Variants in SNX29 observed in about 807,000 individuals in gnomAD.
The protein encoded by SNX29 is sorting nexin-29.
Under a neutral mutation model 102.1 loss-of-function variants are expected in SNX29, and 78 were observed. That is an observed-to-expected ratio of 0.76 (90% CI 0.64 to 0.92). The LOEUF (loss-of-function observed/expected upper bound fraction) is 0.92. Among genes scored for constraint, SNX29 ranks in the 40% least tolerant of loss-of-function variants. The pLI is 0.00. For missense variants in SNX29, 1,280 were observed against 1,061.7 expected, an observed-to-expected ratio of 1.21 and a Z score of -2.86; for synonymous variants, 580 against 414.5, an observed-to-expected ratio of 1.40 and a Z score of -4.85.
chr16:12,170,781 G>GTA (rs2076131471), intron 13 of SNX29, among the ~76,000 whole-genome samples: 1 of 151,040 alleles, frequency 6.6e-6, no homozygotes, highest in African/African-American at 2.4e-5. Flanking sequence ...GAGTGTGTGT[G>GTA]TGAGAGTGAG....
At chr16:12,346,887 A>C (rs535598699) in intron 15 of SNX29, among the ~76,000 whole-genome samples, 1 of 152,024 alleles carries the variant, frequency 6.6e-6, no homozygotes, top group African/African-American at 2.4e-5. Context: ...TTGCCTGTGT[A>C]TATTCTGAAA....
At chr16:12,210,859 T>A (rs999516767) in intron 14 of SNX29, among the ~76,000 whole-genome samples, 1 of 152,152 alleles carries the variant, frequency 6.6e-6, no homozygotes, top group Non-Finnish European at 1.5e-5. Context: ...AAGTGGCCTT[T>A]ACCTTTTCAG....
In SNX29 at chr16:12,573,992, C is replaced by A. The variant is rs899426686; in HGVS notation, c.*5363C>A. Reference sequence around the variant, plus strand: ...ACTAGGGGGCGCCCATGATCGGCTCCCAGTGCACCCCCTTAAGGGTAAGCA... The same window carrying A: ...ACTAGGGGGCGCCCATGATCGGCTCACAGTGCACCCCCTTAAGGGTAAGCA... On this transcript the variant is annotated 3_prime_UTR_variant, in exon 21 of 21. Coordinates refer to ENST00000566228, the MANE Select transcript of SNX29 (RefSeq NM_032167.5). 1 of 198,346 alleles carries A rather than the reference C, an allele frequency of 5.0e-6. No homozygotes were observed. Among genetic ancestry groups the A allele is most frequent in the Non-Finnish European group, 1.0e-5 (1 of 95,872 alleles). The allele number at this position is 198,346 out of a possible 1,614,324, so 12.3% of individuals were successfully genotyped here.
intron 20 of SNX29, among the ~76,000 whole-genome samples, chr16:12,564,428 C>G (rs1204083202): frequency 6.6e-6 from 1 of 152,176 alleles, no homozygotes; most frequent in Non-Finnish European, 1.5e-5. Flanking sequence ...CACTATTATC[C>G]TCATTTCACA....
chr16:12,151,555 C>G (rs1034379799), intron 13 of SNX29, among the ~76,000 whole-genome samples: 43 of 152,170 alleles, frequency 2.8e-4, no homozygotes, highest in African/African-American at 1.0e-3. Flanking sequence ...TAAGCATCTT[C>G]ACTGTTTGTT....
intron 15 of SNX29, among the ~76,000 whole-genome samples, chr16:12,336,141 C>T (rs1029651598): frequency 2.2e-4 from 34 of 152,308 alleles, no homozygotes; most frequent in African/African-American, 7.9e-4. Context: ...GCCATCACCA[C>T]AGACCCAGAG....
intron 8 of SNX29, among the ~76,000 whole-genome samples, chr16:12,058,053 C>G (rs2050592237): frequency 6.6e-6 from 1 of 152,044 alleles, no homozygotes; most frequent in Non-Finnish European, 1.5e-5. Flanking sequence ...CTCCTGACCT[C>G]AGGTGATCTG....
intron 14 of SNX29, among the ~76,000 whole-genome samples, chr16:12,222,359 G>A (rs2077500148): frequency 6.6e-6 from 1 of 152,196 alleles, no homozygotes; most frequent in South Asian, 2.1e-4. Context: ...CATCCTCTAA[G>A]CCTCTCCTTT....
intron 20 of SNX29, chr16:12,545,690 T>C (rs2077564848): frequency 6.6e-6 from 1 of 151,898 alleles, no homozygotes; most frequent in Non-Finnish European, 1.5e-5. Flanking sequence ...TTAAGGGGAG[T>C]GGCTGGTGCA....
rs997074595 is a variant in SNX29 at position 12,371,642 on chromosome 16, C to T, written c.1899+15363C>T. Among the ~76,000 whole-genome samples, 14 of 152,180 alleles carry T rather than the reference C, an allele frequency of 9.2e-5. 1 individual carries two copies. Among genetic ancestry groups the T allele is most frequent in the South Asian group, 2.1e-4 (1 of 4,828 alleles). On this transcript the variant is annotated intron_variant, in intron 16 of 20. Coordinates refer to ENST00000566228, the MANE Select transcript of SNX29 (RefSeq NM_032167.5). ...CTGTTCGGGGAGAGTGGCTTCCTTT[C>T]GTTTCTCCTGTCCAGGGTGTCATTG...
intron 14 of SNX29, among the ~76,000 whole-genome samples, chr16:12,265,792 A>T (rs887754700): frequency 6.7e-6 from 1 of 149,254 alleles, no homozygotes; most frequent in East Asian, 2.0e-4. Context: ...TGGGAGGCCG[A>T]GGTGGAGGAT....
intron 11 of SNX29, among the ~76,000 whole-genome samples, chr16:12,086,179 A>T (rs2052171311): frequency 6.6e-6 from 1 of 150,644 alleles, no homozygotes; most frequent in South Asian, 2.1e-4. Context: ...AATTTTTTGT[A>T]ATTTTTAGTA....
intron 10 of SNX29, among the ~76,000 whole-genome samples, chr16:12,078,364 A>G (rs1596794776): frequency 6.6e-6 from 1 of 152,078 alleles, no homozygotes; most frequent in Non-Finnish European, 1.5e-5. Context: ...AATCCCAGCT[A>G]CTTGGGAGGC....
rs927581507 is a variant in SNX29 at position 12,469,634 on chromosome 16, C to T, written c.2038-8085C>T. ...TTAGGGGCAGCATTCACTGAAGGCCCGGTGCTAGTTCCGCTGCTCACTCCT... is the reference window on the plus strand; with the variant it reads ...TTAGGGGCAGCATTCACTGAAGGCCTGGTGCTAGTTCCGCTGCTCACTCCT... On this transcript the variant is annotated intron_variant, in intron 18 of 20. Transcript: ENST00000566228. 3.9e-5 allele frequency among the ~76,000 whole-genome samples: 6 copies of T among 152,272 alleles called. No homozygotes were observed. In the South Asian group the frequency reaches 6.2e-4, roughly 16 times the overall value.
At chr16:12,089,812 G>T (rs1373865186) in intron 11 of SNX29, 1 of 381,546 alleles carries the variant, frequency 2.6e-6, no homozygotes, top group Non-Finnish European at 5.1e-6. Flanking sequence ...TTGCCACGCA[G>T]AGCACACTCA....
Position 12,357,261 on chromosome 16 carries a change from C to T in SNX29, c.1899+982C>T, listed in dbSNP as rs557793786. Among the ~76,000 whole-genome samples the T allele has an allele frequency of 7.2e-5, 11 of 152,254 alleles. No homozygotes were observed. The East Asian group carries it at 2.1e-3, about 29-fold the overall frequency. On this transcript the variant is annotated intron_variant, in intron 16 of 20. Transcript: ENST00000566228. ...TTGTGTTTCAGGTTATCTACATCTG[C>T]TTCCTCCTCCTATATCATTTCAATC...
chr16:12,035,896 G>T (rs146618508), intron 4 of SNX29, among the ~76,000 whole-genome samples: 87 of 152,186 alleles, frequency 5.7e-4, no homozygotes, highest in Middle Eastern at 3.4e-3. Flanking sequence ...GCTTCATCCC[G>T]TTCCCTTTCT....
intron 13 of SNX29, among the ~76,000 whole-genome samples, chr16:12,196,082 C>T (rs988422405): frequency 1.3e-5 from 2 of 149,634 alleles, no homozygotes; most frequent in East Asian, 4.0e-4. Flanking sequence ...CTCAAACGAT[C>T]CTCCCACCTC....
At chr16:12,200,589 T>C (rs2076889423) in intron 14 of SNX29, among the ~76,000 whole-genome samples, 1 of 152,028 alleles carries the variant, frequency 6.6e-6, no homozygotes, top group Non-Finnish European at 1.5e-5. Flanking sequence ...TTCAAGCGAT[T>C]CTCCTGCCTC....
Sources: gnomAD v4.1 joint callset for allele counts (sites outside exome capture counted in the v4.1 genomes callset) on GRCh38, gnomAD v4.1.1 for gene constraint, MANE v1.5 for transcripts, NCBI Gene and HGNC (gene_info 2026-07-23, HGNC 2026-07-21) for gene names.